The following NEK9 variants were observed in gnomAD, a reference collection of about 807,000 sequenced individuals.
The protein encoded by NEK9 is NIMA related kinase 9.
Under a neutral mutation model 123.4 loss-of-function variants are expected in NEK9, and 75 were observed. That is an observed-to-expected ratio of 0.61 (90% CI 0.50 to 0.74). The LOEUF is 0.74. NEK9 is among the 30% of genes least tolerant of loss of function. The pLI is 0.00. For synonymous variants in NEK9, 438 were observed against 458.7 expected, an observed-to-expected ratio of 0.95 and a Z score of 0.58; for missense variants, 952 against 1,214.4, an observed-to-expected ratio of 0.78 and a Z score of 3.21.
At chr14:75,093,051 T>C (rs575261529) in intron 18 of NEK9, among the ~76,000 whole-genome samples, 1 of 152,378 alleles carries the variant, frequency 6.6e-6, no homozygotes, top group South Asian at 2.1e-4. Flanking sequence ...CGTGTAAATT[T>C]TCATGCCTAA....
chr14:75,124,118 C>T lies in NEK9; in HGVS notation c.325G>A (p.Asp109Asn). ...TGATTGTAGTAGGCAATAATGTTGT[C>T]GTGCTGCAGCAGTGCCAGAATAACA... is the stretch of plus-strand genomic sequence containing the variant. ...EIVILALLQHDNIIAYYNHFM... is the reference protein window; with the variant it reads ...EIVILALLQHNNIIAYYNHFM... The change falls in exon 2 of 22, where the codon GAC becomes AAC. Residue 109 changes from aspartate to asparagine, a missense_variant. Asp to Asn is a conservative substitution (Grantham distance 23). This residue lies in a region of NEK9 where 106 missense variants were observed against 153.0 expected (regional missense o/e 0.69). Transcript: ENST00000238616. The T allele has an allele frequency of 2.5e-6, 4 of 1,613,986 alleles. No homozygotes were observed. Among genetic ancestry groups the T allele is most frequent in the South Asian group, 1.1e-5 (1 of 91,068 alleles).
chr14:75,088,302 T>C (rs1232397730), intron 20 of NEK9, among the ~76,000 whole-genome samples, 178 bp downstream of exon 20: 1 of 152,242 alleles, frequency 6.6e-6, no homozygotes, highest in Non-Finnish European at 1.5e-5. Context: ...GGTAAATACC[T>C]TTCTGAGGCA....
intron 13 of NEK9, 130 bp downstream of exon 13, chr14:75,105,820 G>T: frequency 1.4e-6 from 1 of 693,326 alleles, no homozygotes; most frequent in Non-Finnish European, 2.5e-6. Context: ...ATCCTAAATT[G>T]TCAGTCTCCC....
At chr14:75,107,983 A>G (rs1268103186) in intron 10 of NEK9, among the ~76,000 whole-genome samples, 1 of 152,164 alleles carries the variant, frequency 6.6e-6, no homozygotes, top group Non-Finnish European at 1.5e-5. Flanking sequence ...TTCTACAGGA[A>G]TATAGCTTCT....
intron 20 of NEK9, 23 bp downstream of exon 20, chr14:75,088,446 CTAGTTGTGATT>C (rs1566639101): frequency 4.4e-6 from 7 of 1,606,872 alleles, no homozygotes; most frequent in Non-Finnish European, 4.3e-6. Context: ...GACTGTTTAC[CTAGTTGTGATT>C]CAAAGGCAAA....
intron 12 of NEK9, 171 bp from the exon 13 acceptor site, chr14:75,106,167 G>A: frequency 1.6e-6 from 1 of 635,588 alleles, no homozygotes; most frequent in Non-Finnish European, 2.8e-6. Flanking sequence ...AGACAAGCCT[G>A]GCCAGTGTGG....
chr14:75,099,889 G>A (rs1238725184), intron 16 of NEK9, among the ~76,000 whole-genome samples: 2 of 151,568 alleles, frequency 1.3e-5, no homozygotes, highest in African/African-American at 2.4e-5. Flanking sequence ...CCAGCACTCT[G>A]GCAGGCCGAG....
At chr14:75,103,074 A>C (rs1239898622) in intron 14 of NEK9, among the ~76,000 whole-genome samples, 1 of 152,166 alleles carries the variant, frequency 6.6e-6, no homozygotes. Context: ...GGATAGCATT[A>C]GGCGATATAC....
Position 75,088,578 on chromosome 14 carries a change from A to G in NEK9, c.2506T>C (p.Ser836Pro), listed in dbSNP as rs779332422. The change falls in exon 20 of 22, where the codon TCA (serine) becomes CCA (proline). Residue 836 changes from serine (S) to proline (P), a missense_variant. Transcript: ENST00000238616. ...GGCAGGGTATCTTTCTCAGATTCTG[A>G]AAACGCTGCACTGAGAGGAGATGGG... ...DSPSPLSAAF[S>P]ESEKDTLPYE... is the part of the protein sequence containing the mutation. 6.2e-7 allele frequency: 1 copy of G among 1,614,064 alleles called. No homozygotes were observed. The highest frequency in any genetic ancestry group is 8.5e-7 in the Non-Finnish European group (1 of 1,179,980).
At position 75,115,016 on chromosome 14, in the gene NEK9, CAT is replaced by C. The variant is rs561688803; in HGVS notation, c.763-705_763-704del. 6.7e-4 allele frequency among the ~76,000 whole-genome samples: 101 copies of C among 151,054 alleles called. 1 individual carries two copies. The highest frequency in any genetic ancestry group is 3.5e-3 in the Middle Eastern group (1 of 288). Reference sequence around the variant, plus strand: ...ATATACACACATACATATACACACACATATATGTGTATATATGTATATGTGCA... The same window carrying C: ...ATATACACACATACATATACACACACATATGTGTATATATGTATATGTGCA... On this transcript the variant is annotated intron_variant, in intron 6 of 21. Transcript: ENST00000238616.
chr14:75,101,180 A>G (rs1235163818), intron 15 of NEK9, 27 bp from the exon 16 acceptor site: 1 of 1,604,680 alleles, frequency 6.2e-7, no homozygotes, highest in Non-Finnish European at 8.5e-7. Flanking sequence ...AAGAAATAAC[A>G]AGGCACAAAT....
chr14:75,119,007 G>T, intron 4 of NEK9, 72 bp from the exon 5 acceptor site: 1 of 853,488 alleles, frequency 1.2e-6, no homozygotes, highest in Non-Finnish European at 1.9e-6. Context: ...CCTTGCCCAG[G>T]ATTATTACAG....
Position 75,088,480 on chromosome 14 carries a change from C to T in NEK9, c.2604G>A (p.Ser868=), listed in dbSNP as rs780122285. 3.7e-6 allele frequency: 6 copies of T among 1,612,900 alleles called. No homozygotes were observed. The highest frequency in any genetic ancestry group is 5.1e-6 in the Non-Finnish European group (6 of 1,179,488). ...PLEHKPQVEA[S]SPRLNPAVTC... is the part of the protein sequence containing the mutation. ...ATTCAAAGGCAAAAAGCTCAGTTACCGAGGCTTCTACTTGGGGTTTGTGTT... is the reference window on the plus strand; with the variant it reads ...ATTCAAAGGCAAAAAGCTCAGTTACTGAGGCTTCTACTTGGGGTTTGTGTT... The change falls in exon 20 of 22, where the codon TCG becomes TCA. Residue 868 remains serine (S), a splice_region_variant and synonymous_variant. Coordinates refer to ENST00000238616, the MANE Select transcript of NEK9 (RefSeq NM_033116.6).
At chr14:75,094,577 C>T (rs188928059) in intron 18 of NEK9, among the ~76,000 whole-genome samples, 220 of 152,282 alleles carry the variant, frequency 1.4e-3, no homozygotes, top group African/African-American at 5.1e-3. Flanking sequence ...GGGCAGATCA[C>T]TTGAGGCCAG....
intron 11 of NEK9, among the ~76,000 whole-genome samples, 161 bp from the exon 12 acceptor site, chr14:75,106,863 T>C (rs1007697163): frequency 3.9e-5 from 6 of 152,228 alleles, no homozygotes; most frequent in Admixed American, 3.3e-4. Flanking sequence ...TCTAGAGTTC[T>C]ATGTCAGAGA....
Position 75,119,193 on chromosome 14 carries a change from T to C in NEK9, c.525-258A>G, listed in dbSNP as rs113411933. 2.0e-3 allele frequency among the ~76,000 whole-genome samples: 300 copies of C among 151,704 alleles called. 3 individuals are homozygous for C. The highest frequency in any genetic ancestry group is 7.0e-3 in the African/African-American group (288 of 41,324). On this transcript the variant is annotated intron_variant, in intron 4 of 21. Coordinates refer to ENST00000238616, the MANE Select transcript of NEK9 (RefSeq NM_033116.6). ...CAGGAGTGGTGGCATACACTTGTAG[T>C]CCTAGCTTCTCGGGAGGTTAAAGCA...
chr14:75,113,195 A>C, intron 8 of NEK9, 144 bp downstream of exon 8: 1 of 697,950 alleles, frequency 1.4e-6, no homozygotes, highest in South Asian at 1.8e-5. Flanking sequence ...GCCACCCCTA[A>C]GCAATAAAAG....
intron 18 of NEK9, among the ~76,000 whole-genome samples, chr14:75,092,272 AT>A (rs4026177): frequency 1.6e-4 from 23 of 141,468 alleles, no homozygotes; most frequent in South Asian, 2.2e-4. Context: ...GCACCCAGCA[AT>A]TTTTTTTTTT....
intron 11 of NEK9, 95 bp from the exon 12 acceptor site, chr14:75,106,797 A>T (rs1203998500): frequency 2.3e-6 from 2 of 865,504 alleles, no homozygotes; most frequent in Non-Finnish European, 3.6e-6. Context: ...TACCCCAGCA[A>T]ATGATCTCAC....
Sources: allele counts gnomAD v4.1 joint callset (sites outside exome capture counted in the v4.1 genomes callset), GRCh38; gene constraint gnomAD v4.1.1; regional missense constraint gnomAD v4.1.1; transcripts MANE v1.5; gene names NCBI Gene and HGNC (gene_info 2026-07-23, HGNC 2026-07-21).